QKI: variants seen among roughly 807,000 people sequenced by gnomAD.
QKI encodes KH domain-containing RNA-binding protein QKI.
A neutral mutation model predicts 39.0 loss-of-function variants in QKI; 10 were observed. That is an observed-to-expected ratio of 0.26 (90% CI 0.16 to 0.43). The LOEUF (loss-of-function observed/expected upper bound fraction) is 0.43. Among genes scored for constraint, QKI ranks in the 20% least tolerant of loss-of-function variants. The pLI is 1.00. For synonymous variants in QKI, 204 were observed against 155.4 expected (o/e 1.31, Z -2.33); for missense variants, 218 against 428.0 (o/e 0.51, Z 4.33).
intron 2 of QKI, among the ~76,000 whole-genome samples, chr6:163,466,372 A>G (rs765488748): frequency 6.6e-6 from 1 of 152,152 alleles, no homozygotes; most frequent in Non-Finnish European, 1.5e-5. Context: ...TTCCATTGGC[A>G]TTTTTCACAG....
At chr6:163,563,086 A>C (rs555252942) in intron 5 of QKI, among the ~76,000 whole-genome samples, 1 of 152,208 alleles carries the variant, frequency 6.6e-6, no homozygotes, top group African/African-American at 2.4e-5. Context: ...TGTTAATGCA[A>C]GTGTTTCATT....
intron 2 of QKI, among the ~76,000 whole-genome samples, chr6:163,472,922 A>G (rs1323240344): frequency 6.6e-6 from 1 of 152,180 alleles, no homozygotes; most frequent in Non-Finnish European, 1.5e-5. Context: ...ATTCATTTCA[A>G]AAAATTGGAA....
intron 1 of QKI, among the ~76,000 whole-genome samples, chr6:163,432,831 G>A (rs1211312983): frequency 6.6e-6 from 1 of 152,110 alleles, no homozygotes; most frequent in African/African-American, 2.4e-5. Context: ...AGTTTTATAG[G>A]CTAGAATAGA....
intron 4 of QKI, among the ~76,000 whole-genome samples, chr6:163,553,054 TTTTTAA>T (rs1782351383): frequency 2.0e-5 from 3 of 147,728 alleles, no homozygotes; most frequent in Admixed American, 1.4e-4. Flanking sequence ...TTCTTTTTTT[TTTTTAA>T]TTTTTATTTA....
At chr6:163,564,702 G>T (rs201093270) in intron 6 of QKI, 1 of 1,613,998 alleles carries the variant, frequency 6.2e-7, no homozygotes, top group South Asian at 1.1e-5. Flanking sequence ...TGATATTTCA[G>T]CCCATTGACT....
chr6:163,459,328 A>G (rs1382034727), intron 2 of QKI, among the ~76,000 whole-genome samples: 3 of 152,192 alleles, frequency 2.0e-5, no homozygotes, highest in South Asian at 2.1e-4. Context: ...TGGCAATACT[A>G]GAGATACTTT....
intron 5 of QKI, 67 bp from the exon 6 acceptor site, chr6:163,563,352 CT>C (rs1398082175): frequency 7.3e-7 from 1 of 1,363,336 alleles, no homozygotes; most frequent in Non-Finnish European, 1.0e-6. Flanking sequence ...TTCCTACTCC[CT>C]TCTCATTTTT....
At chr6:163,539,117 A>C (rs565138707) in intron 4 of QKI, among the ~76,000 whole-genome samples, 55 of 152,282 alleles carry the variant, frequency 3.6e-4, no homozygotes, top group African/African-American at 1.1e-3. Flanking sequence ...ATTGAGGACT[A>C]AACCTGGGGT....
At chr6:163,479,347 A>G (rs536803010) in intron 3 of QKI, among the ~76,000 whole-genome samples, 2 of 152,286 alleles carry the variant, frequency 1.3e-5, no homozygotes, top group African/African-American at 2.4e-5. Flanking sequence ...AGGTGTTGTC[A>G]TGATTTTCCC....
At chr6:163,491,347 T>C (rs768064652) in intron 3 of QKI, among the ~76,000 whole-genome samples, 1 of 152,194 alleles carries the variant, frequency 6.6e-6, no homozygotes, top group East Asian at 1.9e-4. Flanking sequence ...TCTGTACTTG[T>C]AGGCTGCACT....
chr6:163,457,378 C>T, intron 2 of QKI: 1 of 455,990 alleles, frequency 2.2e-6, no homozygotes, highest in Non-Finnish European at 4.4e-6. Flanking sequence ...CTTCCTCCTC[C>T]AGTTGTGACT....
intron 7 of QKI, chr6:163,568,688 C>A (rs1783521113): frequency 4.1e-6 from 4 of 984,398 alleles, no homozygotes; most frequent in Non-Finnish European, 4.8e-6. Context: ...TCATTTAATG[C>A]AAAAAAACTC....
chr6:163,498,963 A>C (rs11966958), intron 3 of QKI, among the ~76,000 whole-genome samples: 4,132 of 152,152 alleles, frequency 0.027, 185 homozygotes, highest in African/African-American at 0.094. Context: ...TAAACACGAA[A>C]TTGATTCATG....
intron 3 of QKI, among the ~76,000 whole-genome samples, chr6:163,511,015 C>T (rs1779436874): frequency 2.0e-5 from 3 of 152,052 alleles, no homozygotes; most frequent in African/African-American, 7.2e-5. Context: ...CAAAACAGAG[C>T]ATGCTGGGCT....
At chr6:163,544,417 C>G (rs1198015444) in intron 4 of QKI, among the ~76,000 whole-genome samples, 1 of 151,986 alleles carries the variant, frequency 6.6e-6, no homozygotes, top group African/African-American at 2.4e-5. Context: ...GACAACTGTA[C>G]TTTCAGAGAG....
chr6:163,547,920 A>G (rs1353100399), intron 4 of QKI, among the ~76,000 whole-genome samples: 2 of 152,090 alleles, frequency 1.3e-5, no homozygotes, highest in Non-Finnish European at 2.9e-5. Flanking sequence ...CTATCACCCC[A>G]TGGTAAAAAT....
At chr6:163,509,158 A>C (rs1779284187) in intron 3 of QKI, among the ~76,000 whole-genome samples, 1 of 152,106 alleles carries the variant, frequency 6.6e-6, no homozygotes, top group East Asian at 1.9e-4. Context: ...TCAATCAGTC[A>C]GTCAATCAAT....
chr6:163,465,418 T>A (rs6920226), intron 2 of QKI, among the ~76,000 whole-genome samples: 6,047 of 151,716 alleles, frequency 0.04, 411 homozygotes, highest in African/African-American at 0.14. Flanking sequence ...TCACTTGAGG[T>A]CAAGAGTTGG....
At chr6:163,482,066 T>A (rs1452487362) in intron 3 of QKI, among the ~76,000 whole-genome samples, 1 of 151,958 alleles carries the variant, frequency 6.6e-6, no homozygotes, top group Non-Finnish European at 1.5e-5. Flanking sequence ...GCACCTGTAG[T>A]CCCAGCTGCT....
Sources: gnomAD v4.1 joint callset for allele counts (sites outside exome capture counted in the v4.1 genomes callset) on GRCh38, gnomAD v4.1.1 for gene constraint, MANE v1.5 for transcripts, NCBI Gene and HGNC (gene_info 2026-07-23, HGNC 2026-07-21) for gene names.